Variants in SHLD1 observed in about 807,000 individuals in gnomAD.
SHLD1 encodes the protein RINN1-REV7-interacting novel NHEJ regulator 3.
In SHLD1, 3 loss-of-function variants were observed where a neutral mutation model predicts 5.5. The observed-to-expected ratio is 0.54, with a 90% CI of 0.25 to 1.40. The LOEUF (loss-of-function observed/expected upper bound fraction) is 1.40, where lower values mean the gene tolerates loss of function less well. Among genes scored for constraint, SHLD1 ranks in the 40% most tolerant of loss-of-function variants. SHLD1 has a pLI of 0.15. For missense variants in SHLD1, 210 were observed against 244.4 expected, an observed-to-expected ratio of 0.86 and a Z score of 0.94; for synonymous variants, 92 against 94.3, an observed-to-expected ratio of 0.98 and a Z score of 0.14.
In SHLD1 at chr20:5,859,796, G is replaced by A. The variant is rs73596881; in HGVS notation, c.179-3228G>A. On this transcript the variant is annotated intron_variant, in intron 2 of 2. Transcript: ENST00000303142. The stretch of plus-strand genomic sequence containing the variant: ...GTCATTGGTCTTCTGAAGGGGAAGG[G>A]TTGTTTCTCTGAAGACGACTGGCAG... 4.9e-4 allele frequency among the ~76,000 whole-genome samples: 75 copies of A among 152,332 alleles called. 1 individual carries two copies. The highest frequency in any genetic ancestry group is 1.8e-3 in the African/African-American group (73 of 41,578).
chr20:5,828,390 G>A (rs528035067), intron 2 of SHLD1, among the ~76,000 whole-genome samples: 26 of 152,172 alleles, frequency 1.7e-4, no homozygotes, highest in Non-Finnish European at 2.6e-4. Flanking sequence ...ATAACATATC[G>A]TAACCTTAAA....
At chr20:5,784,754 A>G (rs1461996847) in intron 2 of SHLD1, among the ~76,000 whole-genome samples, 1 of 152,134 alleles carries the variant, frequency 6.6e-6, no homozygotes, top group Admixed American at 6.6e-5. Flanking sequence ...CCGGCCCAGA[A>G]TTATTTTTAA....
chr20:5,758,796 G>A (rs561337926), intron 1 of SHLD1, among the ~76,000 whole-genome samples: 14 of 152,124 alleles, frequency 9.2e-5, no homozygotes, highest in African/African-American at 2.9e-4. Context: ...GCTTTGGGAA[G>A]GTCATCCTGA....
chr20:5,850,906 G>A (rs151136765), intron 2 of SHLD1, among the ~76,000 whole-genome samples: 9 of 152,286 alleles, frequency 5.9e-5, no homozygotes, highest in Admixed American at 2.6e-4. Context: ...TTGGCTGGTC[G>A]ATGCTCCATA....
rs1410009585 is a variant in SHLD1, at chr20:5,864,115, A to G, written c.*652A>G. 6.6e-6 allele frequency among the ~76,000 whole-genome samples: 1 copy of G among 152,158 alleles called. No homozygotes were observed. Among genetic ancestry groups the G allele is most frequent in the Non-Finnish European group, 1.5e-5 (1 of 68,024 alleles). On this transcript the variant is annotated 3_prime_UTR_variant, in exon 3 of 3. Coordinates refer to ENST00000303142, the MANE Select transcript of SHLD1 (RefSeq NM_152504.4). ...AATACAGTTGAGAAAAGTATATCACATCTTGATCACACCCTTGCCTCCTCT... is the reference window on the plus strand; with the variant it reads ...AATACAGTTGAGAAAAGTATATCACGTCTTGATCACACCCTTGCCTCCTCT...
At chr20:5,783,360 A>G (rs1489400718) in intron 2 of SHLD1, among the ~76,000 whole-genome samples, 1 of 152,146 alleles carries the variant, frequency 6.6e-6, no homozygotes, top group Non-Finnish European at 1.5e-5. Flanking sequence ...AGTAGCTGGC[A>G]CTACAGGAGC....
chr20:5,815,003 C>T (rs906218150), intron 2 of SHLD1, among the ~76,000 whole-genome samples: 3 of 152,120 alleles, frequency 2.0e-5, no homozygotes, highest in African/African-American at 7.2e-5. Flanking sequence ...TGGAAGGAAA[C>T]ATCCAGAATT....
rs565496028 is a variant in SHLD1 at position 5,845,676 on chromosome 20, C to T, written c.179-17348C>T. 1.8e-4 allele frequency among the ~76,000 whole-genome samples: 27 copies of T among 152,326 alleles called. No individual in the cohort carries two copies. In the South Asian group the frequency reaches 5.4e-3, roughly 30 times the overall value. Reference sequence around the variant, plus strand: ...TGTAGACAAACCTTGCCTTTCACCCCAGGCCATGTTATCCTGCTTGATCAC... The same window carrying T: ...TGTAGACAAACCTTGCCTTTCACCCTAGGCCATGTTATCCTGCTTGATCAC... On this transcript the variant is annotated intron_variant, in intron 2 of 2. Coordinates refer to ENST00000303142, the MANE Select transcript of SHLD1 (RefSeq NM_152504.4).
intron 2 of SHLD1, among the ~76,000 whole-genome samples, chr20:5,837,473 C>A (rs573029568): frequency 1.3e-5 from 2 of 152,092 alleles, no homozygotes; most frequent in Non-Finnish European, 2.9e-5. Context: ...ACACACCCCC[C>A]ACCTCCAACA....
intron 2 of SHLD1, among the ~76,000 whole-genome samples, chr20:5,793,943 C>T (rs552604514): frequency 1.2e-3 from 190 of 152,164 alleles, no homozygotes; most frequent in African/African-American, 4.6e-3. Flanking sequence ...CTCCTGACTT[C>T]AGGTGATCTG....
chr20:5,850,283 T>C (rs1390040499), intron 2 of SHLD1, among the ~76,000 whole-genome samples: 3 of 151,582 alleles, frequency 2.0e-5, no homozygotes, highest in Admixed American at 6.6e-5. Context: ...TTAGCAGAAG[T>C]GTTTACCTGG....
At chr20:5,757,164 G>A (rs1360836158) in intron 1 of SHLD1, among the ~76,000 whole-genome samples, 1 of 144,262 alleles carries the variant, frequency 6.9e-6, no homozygotes, top group African/African-American at 2.6e-5. Context: ...TCTGCCTCCT[G>A]GGTTCAAGTG....
intron 2 of SHLD1, among the ~76,000 whole-genome samples, chr20:5,841,216 TATAC>T: frequency 6.6e-6 from 1 of 152,214 alleles, no homozygotes; most frequent in South Asian, 2.1e-4. Context: ...CATGCATATG[TATAC>T]ATAAATATTT....
rs1181755040 is a variant in SHLD1, at chr20:5,855,453, C to T, written c.179-7571C>T. Among the ~76,000 whole-genome samples, 1 of 152,144 alleles carries T rather than the reference C, an allele frequency of 6.6e-6. No homozygotes were observed. Among genetic ancestry groups the T allele is most frequent in the African/African-American group, 2.4e-5 (1 of 41,434 alleles). ...GTGGGATGATCTTGGCTCATGGCAACCTCCACCTCCCGCGTTCAAGAGATT... is the reference window on the plus strand; with the variant it reads ...GTGGGATGATCTTGGCTCATGGCAATCTCCACCTCCCGCGTTCAAGAGATT... On this transcript the variant is annotated intron_variant, in intron 2 of 2. Coordinates refer to ENST00000303142, the MANE Select transcript of SHLD1 (RefSeq NM_152504.4). This position sits in a 1 kb window ranked among gnomAD's most constrained non-coding sequence, Gnocchi z 4.4.
intron 2 of SHLD1, among the ~76,000 whole-genome samples, chr20:5,838,759 C>T (rs544348834): frequency 1.3e-5 from 2 of 152,194 alleles, no homozygotes; most frequent in East Asian, 1.9e-4. Flanking sequence ...GCCTGGGTGA[C>T]GGAGCGAGAC....
At chr20:5,830,684 G>A (rs1377118846) in intron 2 of SHLD1, among the ~76,000 whole-genome samples, 44 of 120,238 alleles carry the variant, frequency 3.7e-4, no homozygotes, top group Admixed American at 3.1e-3. Context: ...GTGAAACTCC[G>A]TCTTAAAAAA....
At chr20:5,767,144 T>TTTC (rs1159676804) in intron 1 of SHLD1, among the ~76,000 whole-genome samples, 2 of 150,532 alleles carry the variant, frequency 1.3e-5, no homozygotes, top group Non-Finnish European at 2.9e-5. Context: ...TTTCTTTTCT[T>TTTC]TTCTTTTTGA....
chr20:5,768,635 A>G (rs1371301275), intron 1 of SHLD1, among the ~76,000 whole-genome samples: 1 of 152,224 alleles, frequency 6.6e-6, no homozygotes, highest in Non-Finnish European at 1.5e-5. Context: ...AACTAGTGAA[A>G]TTAATTCACT....
At chr20:5,750,719 A>T (rs921078628) in intron 1 of SHLD1, among the ~76,000 whole-genome samples, 220 of 150,254 alleles carry the variant, frequency 1.5e-3, no homozygotes, top group African/African-American at 4.9e-3. Context: ...GTTTTTTTTT[A>T]AATTTTTTCA....
Sources: allele counts gnomAD v4.1 joint callset (sites outside exome capture counted in the v4.1 genomes callset), GRCh38; gene constraint gnomAD v4.1.1; non-coding constraint Gnocchi (gnomAD v3.1); transcripts MANE v1.5; gene names NCBI Gene and HGNC (gene_info 2026-07-23, HGNC 2026-07-21).